The following KIF16B variants were observed in gnomAD, a reference collection of about 807,000 sequenced individuals.
KIF16B encodes the protein kinesin-like protein KIF16B.
Under a neutral mutation model 156.3 loss-of-function variants are expected in KIF16B, and 98 were observed. That is an observed-to-expected ratio of 0.63 (90% CI 0.53 to 0.74). KIF16B has a LOEUF of 0.74. Among genes scored for constraint, KIF16B ranks in the 30% least tolerant of loss-of-function variants. KIF16B has a pLI of 0.00. For synonymous variants in KIF16B, 564 were observed against 583.7 expected (o/e 0.97, Z 0.49); for missense variants, 1,421 against 1,606.5 (o/e 0.88, Z 1.97).
At chr20:16,477,200 T>TTTTC (rs1568580643) in intron 12 of KIF16B, among the ~76,000 whole-genome samples, 16 of 122,390 alleles carry the variant, frequency 1.3e-4, no homozygotes, top group South Asian at 2.8e-4. Context: ...TTTTTTTTTT[T>TTTTC]CTCTCCTTAA....
intron 17 of KIF16B, among the ~76,000 whole-genome samples, chr20:16,394,701 T>C (rs2065449105): frequency 6.6e-6 from 1 of 151,746 alleles, no homozygotes; most frequent in Admixed American, 6.6e-5. Flanking sequence ...ACTCCATGTA[T>C]AAAAAGTCCA....
At chr20:16,436,209 C>T (rs1394250899) in intron 12 of KIF16B, among the ~76,000 whole-genome samples, 1 of 152,018 alleles carries the variant, frequency 6.6e-6, no homozygotes, top group African/African-American at 2.4e-5. Flanking sequence ...GGATGGGAAA[C>T]TCCTTGATGC....
intron 1 of KIF16B, among the ~76,000 whole-genome samples, chr20:16,568,334 A>C (rs1305021004): frequency 2.0e-5 from 3 of 152,202 alleles, no homozygotes; most frequent in Non-Finnish European, 4.4e-5. Flanking sequence ...GCACATCACC[A>C]GCACTCAGTA....
intron 25 of KIF16B, among the ~76,000 whole-genome samples, chr20:16,294,175 T>A (rs1360211): frequency 0.98 from 150,007 of 152,300 alleles, 73,883 homozygotes; most frequent in East Asian, 1. Flanking sequence ...AAAATGTCAC[T>A]AAAATTGCAT....
chr20:16,517,086 C>T (rs62199806), intron 3 of KIF16B, among the ~76,000 whole-genome samples: 36,240 of 152,050 alleles, frequency 0.24, 4,940 homozygotes, highest in East Asian at 0.36. Flanking sequence ...CTGGCCATCT[C>T]CATCTCAGCT....
intron 12 of KIF16B, among the ~76,000 whole-genome samples, chr20:16,479,583 G>A (rs1048146956): frequency 1.3e-5 from 2 of 152,050 alleles, no homozygotes; most frequent in Admixed American, 6.6e-5. Context: ...ACTACATAAC[G>A]TTTCAGTCAG....
intron 1 of KIF16B, among the ~76,000 whole-genome samples, chr20:16,537,835 C>T (rs1365533144): frequency 6.6e-6 from 1 of 151,134 alleles, no homozygotes; most frequent in Non-Finnish European, 1.5e-5. Flanking sequence ...TCCTGAGTAG[C>T]TGGGATTACA....
chr20:16,349,354 G>A (rs2064291903), intron 23 of KIF16B, among the ~76,000 whole-genome samples: 1 of 152,098 alleles, frequency 6.6e-6, no homozygotes. Context: ...CGGTGCAGTT[G>A]GACTCTGAGC....
chr20:16,458,332 C>G (rs1488463835), intron 12 of KIF16B, among the ~76,000 whole-genome samples: 30 of 152,168 alleles, frequency 2.0e-4, no homozygotes, highest in Admixed American at 2.0e-3. Context: ...CTCACTTTTC[C>G]TCTTGATTAC....
chr20:16,326,885 G>A (rs917117809), intron 24 of KIF16B, among the ~76,000 whole-genome samples: 5 of 151,600 alleles, frequency 3.3e-5, no homozygotes, highest in South Asian at 2.1e-4. Flanking sequence ...CATGTTTATA[G>A]CAGCACAACA....
chr20:16,513,935 AC>A (rs1441285991), intron 4 of KIF16B, among the ~76,000 whole-genome samples: 1 of 152,050 alleles, frequency 6.6e-6, no homozygotes, highest in South Asian at 2.1e-4. Flanking sequence ...CAACCCCCAC[AC>A]CCAAAAAAAT....
chr20:16,305,245 A>G (rs1056740534), intron 25 of KIF16B, among the ~76,000 whole-genome samples: 2 of 151,962 alleles, frequency 1.3e-5, no homozygotes, highest in East Asian at 3.9e-4. Context: ...ACGCCAGACA[A>G]GGTTACTCTG....
In KIF16B at chr20:16,273,161, G is replaced by T; in HGVS notation, c.*92C>A. The T allele has an allele frequency of 9.0e-7, 1 of 1,111,626 alleles. No homozygotes were observed. The highest frequency in any genetic ancestry group is 1.3e-6 in the Non-Finnish European group (1 of 741,726). 68.9% of individuals were successfully genotyped at this position (1,111,626 alleles called of 1,614,324 possible). A position where few individuals can be genotyped will look rare whatever the true frequency, so the allele number is the denominator to read the frequency against. ...TGTCTGTCTTCAGCAGGAGGAGGCA[G>T]ACCCGGATCCTCGCATGGGGGAGCT... On this transcript the variant is annotated 3_prime_UTR_variant, in exon 26 of 26. Transcript: ENST00000354981.
At chr20:16,416,201 C>T (rs2146343827) in intron 15 of KIF16B, among the ~76,000 whole-genome samples, 1 of 152,276 alleles carries the variant, frequency 6.6e-6, no homozygotes, top group Admixed American at 6.5e-5. Flanking sequence ...TGTGCAGAAG[C>T]TCTTTAGTTT....
At chr20:16,500,555 C>G (rs1423138309) in intron 10 of KIF16B, among the ~76,000 whole-genome samples, 2 of 152,008 alleles carry the variant, frequency 1.3e-5, no homozygotes, top group African/African-American at 4.8e-5. Context: ...GGCTTTGTCT[C>G]CTGCTATTTC....
Position 16,508,023 on chromosome 20 carries a change from C to T in KIF16B, c.634G>A (p.Ala212Thr), listed in dbSNP as rs756115411. The part of the protein sequence containing the change: ...MDAGNINRTT[A>T]ATGMNDVSSR... The stretch of plus-strand genomic sequence containing the variant: ...CTGACGTCGTTCATCCCAGTCGCTG[C>T]GGTGGTCCGGTTGATATTGCCCGCA... The change falls in exon 7 of 26, where the codon GCA (alanine) becomes ACA (threonine). Residue 212 changes from alanine to threonine, a missense_variant. By Grantham distance (58) the Ala-to-Thr change is moderately conservative (BLOSUM62 0). Transcript: ENST00000354981. 1.3e-5 allele frequency: 21 copies of T among 1,614,112 alleles called. No homozygotes were observed. The highest frequency in any genetic ancestry group is 2.2e-5 in the East Asian group (1 of 44,876).
intron 24 of KIF16B, among the ~76,000 whole-genome samples, chr20:16,334,407 CAAACTT>C (rs777358518): frequency 5.3e-5 from 8 of 152,284 alleles, no homozygotes; most frequent in Non-Finnish European, 1.2e-4. Context: ...ACTGCAGAAA[CAAACTT>C]AATAACTTGA....
intron 1 of KIF16B, among the ~76,000 whole-genome samples, chr20:16,545,102 G>A (rs2070353322): frequency 6.6e-6 from 1 of 152,218 alleles, no homozygotes; most frequent in Admixed American, 6.5e-5. Flanking sequence ...GACTCCAGGA[G>A]CAAAGCGTTG....
At chr20:16,277,022 G>A (rs1438191845) in intron 25 of KIF16B, among the ~76,000 whole-genome samples, 1 of 152,026 alleles carries the variant, frequency 6.6e-6, no homozygotes, top group African/African-American at 2.4e-5. Flanking sequence ...TCCCTCCTCC[G>A]GTACAAACCT....
Sources: allele counts gnomAD v4.1 joint callset (sites outside exome capture counted in the v4.1 genomes callset), GRCh38; gene constraint gnomAD v4.1.1; transcripts MANE v1.5; gene names NCBI Gene and HGNC (gene_info 2026-07-23, HGNC 2026-07-21).